The following AUTS2 variants were observed in gnomAD, a reference collection of about 807,000 sequenced individuals.
AUTS2 encodes the protein autism susceptibility gene 2 protein.
A neutral mutation model predicts 112.4 loss-of-function variants in AUTS2; 17 were observed. That is an observed-to-expected ratio of 0.15 (90% CI 0.10 to 0.23). The LOEUF (loss-of-function observed/expected upper bound fraction) is 0.23. Ranked by LOEUF, AUTS2 falls within the 10% of genes least tolerant of loss-of-function variation. AUTS2 has a pLI of 1.00. For missense variants in AUTS2, 1,510 were observed against 1,701.6 expected, an observed-to-expected ratio of 0.89 and a Z score of 1.98; for synonymous variants, 751 against 702.7, an observed-to-expected ratio of 1.07 and a Z score of -1.09.
intron 6 of AUTS2, among the ~76,000 whole-genome samples, chr7:70,738,111 G>A (rs150994820): frequency 1.3e-5 from 2 of 152,280 alleles, no homozygotes; most frequent in African/African-American, 2.4e-5. Context: ...CAGTTAGGAG[G>A]CTTTGATACT....
At chr7:70,357,109 G>A (rs550359024) in intron 4 of AUTS2, among the ~76,000 whole-genome samples, 11 of 152,298 alleles carry the variant, frequency 7.2e-5, no homozygotes, top group African/African-American at 2.2e-4. Flanking sequence ...AGTGGGAAGC[G>A]TTGGCCAACA....
intron 4 of AUTS2, among the ~76,000 whole-genome samples, chr7:70,420,016 G>A (rs1003694162): frequency 1.3e-5 from 2 of 152,198 alleles, no homozygotes; most frequent in African/African-American, 4.8e-5. Context: ...GGGGTGAGGA[G>A]TTGCAGGGGA....
At chr7:69,657,864 G>T (rs575869131) in intron 1 of AUTS2, among the ~76,000 whole-genome samples, 57 of 152,222 alleles carry the variant, frequency 3.7e-4, no homozygotes, top group Middle Eastern at 6.8e-3. Flanking sequence ...CTTCCCTTTT[G>T]TCTTAAAAAG....
chr7:70,311,667 G>A (rs891062631), intron 4 of AUTS2, among the ~76,000 whole-genome samples: 5 of 152,032 alleles, frequency 3.3e-5, no homozygotes, highest in Admixed American at 3.3e-4. Context: ...AGCGATTCTT[G>A]TGCCTCAGCC....
chr7:70,413,364 A>G (rs1386299010), intron 4 of AUTS2, among the ~76,000 whole-genome samples: 2 of 152,198 alleles, frequency 1.3e-5, no homozygotes, highest in South Asian at 2.1e-4. Flanking sequence ...AGGGGTCTAC[A>G]TTAGAGCCAA....
intron 1 of AUTS2, among the ~76,000 whole-genome samples, chr7:69,784,174 C>T (rs545797351): frequency 6.6e-6 from 1 of 152,260 alleles, no homozygotes; most frequent in East Asian, 1.9e-4. Context: ...CTTCGTCAGG[C>T]TATTGCAGAA....
intron 1 of AUTS2, among the ~76,000 whole-genome samples, chr7:69,893,217 T>G (rs1323831766): frequency 6.6e-6 from 1 of 152,240 alleles, no homozygotes; most frequent in Non-Finnish European, 1.5e-5. Flanking sequence ...GCCTTGTACA[T>G]TCCTACAGAT....
chr7:70,509,602 C>A (rs771101341), intron 5 of AUTS2, among the ~76,000 whole-genome samples: 5 of 152,090 alleles, frequency 3.3e-5, no homozygotes, highest in Non-Finnish European at 7.4e-5. Flanking sequence ...ACGGTATAAG[C>A]CTACTGCATA....
At chr7:70,223,458 A>G (rs1454520489) in intron 4 of AUTS2, among the ~76,000 whole-genome samples, 2 of 152,208 alleles carry the variant, frequency 1.3e-5, no homozygotes, top group African/African-American at 4.8e-5. Flanking sequence ...TAGTGCAACA[A>G]ATTACTCTCA....
intron 5 of AUTS2, among the ~76,000 whole-genome samples, chr7:70,444,436 T>C (rs1318843718): frequency 1.3e-5 from 2 of 151,646 alleles, no homozygotes; most frequent in Non-Finnish European, 2.9e-5. Context: ...GCAAGATAGT[T>C]ACAGATAAAT....
At position 70,793,286 on chromosome 7, in the gene AUTS2, T is replaced by C. The variant is rs1393523109; in HGVS notation, c.*2290T>C. The stretch of plus-strand genomic sequence containing the variant: ...GACCTAGGGCCTGTGACAACAGTTT[T>C]TGCTTGCTCGTTGTATTGCATTTCA... On this transcript the variant is annotated 3_prime_UTR_variant, in exon 19 of 19. Coordinates refer to ENST00000342771, the MANE Select transcript of AUTS2 (RefSeq NM_015570.4). 2 of 152,194 alleles carry C rather than the reference T, an allele frequency of 1.3e-5. No homozygotes were observed. The highest frequency in any genetic ancestry group is 4.8e-5 in the African/African-American group (2 of 41,456). 9.4% of individuals were successfully genotyped at this position (152,194 alleles called of 1,614,324 possible).
chr7:69,667,309 C>G (rs1389804431), intron 1 of AUTS2, among the ~76,000 whole-genome samples: 1 of 151,086 alleles, frequency 6.6e-6, no homozygotes, highest in Non-Finnish European at 1.5e-5. Flanking sequence ...GATGAACATT[C>G]AAACCATAGC....
intron 5 of AUTS2, among the ~76,000 whole-genome samples, chr7:70,454,745 A>C (rs957729918): frequency 3.9e-5 from 6 of 152,076 alleles, no homozygotes; most frequent in Non-Finnish European, 8.8e-5. Context: ...ACTGAGGAGG[A>C]AAGTGGGCTT....
intron 5 of AUTS2, among the ~76,000 whole-genome samples, chr7:70,440,226 T>TAA (rs768717430): frequency 0.02 from 1,837 of 92,746 alleles, 64 homozygotes; most frequent in African/African-American, 0.069. Context: ...GCCCTGTCTC[T>TAA]AAAAAAAAAA....
chr7:69,965,205 C>T (rs141191904), intron 2 of AUTS2, among the ~76,000 whole-genome samples: 19 of 152,240 alleles, frequency 1.2e-4, no homozygotes, highest in African/African-American at 1.9e-4. Context: ...ACTGTCCCCA[C>T]GGCTATAATG....
At chr7:70,376,379 T>C (rs992303422) in intron 4 of AUTS2, among the ~76,000 whole-genome samples, 11 of 152,178 alleles carry the variant, frequency 7.2e-5, no homozygotes, top group Non-Finnish European at 1.5e-4. Context: ...TGTTTCTCTT[T>C]TTTTTTAAAC....
chr7:70,751,350 C>T (rs1788833382), intron 6 of AUTS2, among the ~76,000 whole-genome samples: 1 of 152,240 alleles, frequency 6.6e-6, no homozygotes, highest in Admixed American at 6.5e-5. Context: ...ATACTGGAAG[C>T]AGGGCTGCCT....
intron 1 of AUTS2, among the ~76,000 whole-genome samples, chr7:69,605,638 C>G (rs1272539214): frequency 6.6e-6 from 1 of 152,200 alleles, no homozygotes; most frequent in African/African-American, 2.4e-5. Flanking sequence ...CTGCCTTTGG[C>G]TTGCTGTATA....
intron 1 of AUTS2, among the ~76,000 whole-genome samples, chr7:69,710,515 A>T (rs1249615988): frequency 6.6e-6 from 1 of 152,156 alleles, no homozygotes; most frequent in African/African-American, 2.4e-5. Context: ...GTCCTTGAGT[A>T]CCTATCTTTA....
Sources: allele counts gnomAD v4.1 joint callset (sites outside exome capture counted in the v4.1 genomes callset), GRCh38; gene constraint gnomAD v4.1.1; transcripts MANE v1.5; gene names NCBI Gene and HGNC (gene_info 2026-07-23, HGNC 2026-07-21).